The following PIGL variants were observed in gnomAD, a reference collection of about 807,000 sequenced individuals.
PIGL encodes N-acetylglucosaminyl-phosphatidylinositol de-N-acetylase.
PIGL carries 22 observed loss-of-function variants against 31.1 expected under a neutral mutation model. The observed-to-expected ratio is 0.71, with a 90% CI of 0.51 to 1.01. The LOEUF is 1.01. Among genes scored for constraint, PIGL ranks in the 50% least tolerant of loss-of-function variants. PIGL has a pLI of 0.00. For missense variants in PIGL, 302 were observed against 315.9 expected (o/e 0.96, Z 0.33); for synonymous variants, 131 against 117.4 (o/e 1.12, Z -0.75).
chr17:16,220,481 T>A (rs1351545223), intron 1 of PIGL, among the ~76,000 whole-genome samples: 1 of 28,014 alleles, frequency 3.6e-5, no homozygotes, highest in Non-Finnish European at 8.2e-5. Context: ...TAAATTGTTA[T>A]TTTTTTTTTT....
chr17:16,220,000 C>T (rs971379809), intron 1 of PIGL, among the ~76,000 whole-genome samples: 3 of 151,990 alleles, frequency 2.0e-5, no homozygotes, highest in Admixed American at 2.0e-4. Context: ...AATAAACTTA[C>T]CCTTATTTTC....
At chr17:16,320,533 A>AG (rs1209137348) in intron 6 of PIGL, among the ~76,000 whole-genome samples, 39 of 145,450 alleles carry the variant, frequency 2.7e-4, no homozygotes, top group African/African-American at 9.9e-4. Flanking sequence ...AAAGAAAAGA[A>AG]GAAGGAAGGA....
chr17:16,257,784 A>C (rs1477773078), intron 2 of PIGL, among the ~76,000 whole-genome samples: 4 of 151,700 alleles, frequency 2.6e-5, no homozygotes, highest in Non-Finnish European at 5.9e-5. Context: ...CCATATTTCC[A>C]CCGGGCACGG....
chr17:16,253,285 AAAC>A (rs1013646121), intron 2 of PIGL, among the ~76,000 whole-genome samples: 6 of 152,154 alleles, frequency 3.9e-5, no homozygotes, highest in African/African-American at 1.4e-4. Context: ...ACAACAACAA[AAAC>A]GTAAAACAAA....
chr17:16,305,088 C>A (rs1174833605), intron 3 of PIGL, among the ~76,000 whole-genome samples: 1 of 152,036 alleles, frequency 6.6e-6, no homozygotes, highest in Admixed American at 6.6e-5. Context: ...CCAGCCTGGG[C>A]AACACAGTGA....
chr17:16,299,792 G>A (rs1600840507), intron 2 of PIGL, 96 bp from the exon 3 acceptor site: 4 of 843,726 alleles, frequency 4.7e-6, no homozygotes, highest in Non-Finnish European at 8.3e-6. Flanking sequence ...TACCCCCAAT[G>A]TAACTATCAT....
At chr17:16,258,721 G>A (rs562998332) in intron 2 of PIGL, among the ~76,000 whole-genome samples, 4 of 151,976 alleles carry the variant, frequency 2.6e-5, no homozygotes, top group South Asian at 4.2e-4. Flanking sequence ...GGCTGGTCTC[G>A]TACTCCTGAC....
In PIGL at chr17:16,321,095, G is replaced by A. The variant is rs571566817; in HGVS notation, c.660+3187G>A. Among the ~76,000 whole-genome samples the A allele has an allele frequency of 3.0e-4, 45 of 151,788 alleles. 1 individual carries two copies. In the South Asian group the frequency reaches 8.5e-3, roughly 29 times the overall value. On this transcript the variant is annotated intron_variant, in intron 6 of 6. Coordinates refer to ENST00000225609, the MANE Select transcript of PIGL (RefSeq NM_004278.4). Reference sequence around the variant, plus strand: ...TGGGACTACAGGCGCATGCCACCACGCCTAGCTAATTTTTGTATTTTTAGT... The same window carrying A: ...TGGGACTACAGGCGCATGCCACCACACCTAGCTAATTTTTGTATTTTTAGT...
intron 2 of PIGL, among the ~76,000 whole-genome samples, chr17:16,283,837 G>A (rs1313095354): frequency 1.3e-5 from 2 of 152,164 alleles, no homozygotes; most frequent in East Asian, 1.9e-4. Flanking sequence ...AGAATCCATC[G>A]ATCAAGCTTA....
chr17:16,312,020 C>T (rs1490370340), intron 3 of PIGL, among the ~76,000 whole-genome samples: 3 of 152,052 alleles, frequency 2.0e-5, no homozygotes, highest in Non-Finnish European at 4.4e-5. Flanking sequence ...CTCCTCACTT[C>T]CCAGACGGGG....
At chr17:16,220,476 T>G (rs1434515457) in intron 1 of PIGL, among the ~76,000 whole-genome samples, 2 of 94,084 alleles carry the variant, frequency 2.1e-5, no homozygotes, top group African/African-American at 3.4e-5. Context: ...TTTTTTAAAT[T>G]GTTATTTTTT....
intron 4 of PIGL, among the ~76,000 whole-genome samples, chr17:16,315,368 G>A (rs1045925468): frequency 6.6e-5 from 10 of 152,158 alleles, no homozygotes; most frequent in African/African-American, 2.4e-4. Flanking sequence ...GGCCCTGCCT[G>A]TCCCTCACTG....
intron 2 of PIGL, among the ~76,000 whole-genome samples, chr17:16,298,882 G>A (rs1354664298): frequency 3.3e-5 from 5 of 152,036 alleles, no homozygotes. Flanking sequence ...ACAAAAATTA[G>A]CTGGGTGTGG....
rs140828026 is a variant in PIGL, at chr17:16,302,454, G to C, written c.426+2476G>C. Among the ~76,000 whole-genome samples, 496 of 152,226 alleles carry C rather than the reference G, an allele frequency of 3.3e-3. 1 individual carries two copies. The highest frequency in any genetic ancestry group is 5.1e-3 in the Non-Finnish European group (348 of 68,024). On this transcript the variant is annotated intron_variant, in intron 3 of 6. Transcript: ENST00000225609. ...AGAGCTGAGGTTGGAGGTTGTCATG[G>C]CCAGCCTGAAGTACTCCCTGGCACC...
At chr17:16,271,878 A>AAGTTT (rs2092874619) in intron 2 of PIGL, among the ~76,000 whole-genome samples, 1 of 152,132 alleles carries the variant, frequency 6.6e-6, no homozygotes, top group Admixed American at 6.6e-5. Flanking sequence ...CTGAAATTCA[A>AAGTTT]ATTTTATTTT....
At chr17:16,253,572 T>A (rs2092781664) in intron 2 of PIGL, among the ~76,000 whole-genome samples, 1 of 152,120 alleles carries the variant, frequency 6.6e-6, no homozygotes, top group South Asian at 2.1e-4. Flanking sequence ...CAGTTTGTGG[T>A]CTAATTTCTT....
At chr17:16,311,667 G>C (rs555548762) in intron 3 of PIGL, among the ~76,000 whole-genome samples, 2,945 of 148,486 alleles carry the variant, frequency 0.02, 55 homozygotes, top group Non-Finnish European at 0.029. Context: ...GACTCTTAAC[G>C]AGCATGCTGC....
chr17:16,231,007 G>A (rs1280671276), intron 1 of PIGL, among the ~76,000 whole-genome samples: 1 of 150,296 alleles, frequency 6.7e-6, no homozygotes, highest in African/African-American at 2.4e-5. Context: ...AAACTTCCCG[G>A]GTTGGAGTGG....
intron 2 of PIGL, among the ~76,000 whole-genome samples, chr17:16,248,311 G>A (rs1375441251): frequency 6.6e-6 from 1 of 152,116 alleles, no homozygotes; most frequent in Non-Finnish European, 1.5e-5. Flanking sequence ...ACTATAAACA[G>A]TCAAGAGGAC....
Sources: allele counts gnomAD v4.1 joint callset (sites outside exome capture counted in the v4.1 genomes callset), GRCh38; gene constraint gnomAD v4.1.1; transcripts MANE v1.5; gene names NCBI Gene and HGNC (gene_info 2026-07-23, HGNC 2026-07-21).